The following MBNL2 variants were observed in gnomAD, a reference collection of about 807,000 sequenced individuals.
The protein encoded by MBNL2 is muscleblind-like protein 2.
A neutral mutation model predicts 41.9 loss-of-function variants in MBNL2; 17 were observed. The observed-to-expected ratio is 0.41, with a 90% confidence interval of 0.28 to 0.61. The LOEUF (loss-of-function observed/expected upper bound fraction) is 0.61, where lower values mean the gene tolerates loss of function less well. Ranked by LOEUF, MBNL2 falls within the 20% of genes least tolerant of loss-of-function variation. MBNL2 has a pLI of 0.35. For synonymous variants in MBNL2, 195 were observed against 182.9 expected (o/e 1.07, Z -0.53); for missense variants, 336 against 505.6 (o/e 0.66, Z 3.22).
chr13:97,252,546 CTAAG>C (rs2046781265), intron 1 of MBNL2, among the ~76,000 whole-genome samples: 1 of 152,094 alleles, frequency 6.6e-6, no homozygotes, highest in African/African-American at 2.4e-5. Context: ...TTTTACATCT[CTAAG>C]TAAATTTTGT....
At chr13:97,259,236 T>C (rs928915997) in intron 1 of MBNL2, among the ~76,000 whole-genome samples, 1 of 152,236 alleles carries the variant, frequency 6.6e-6, no homozygotes. Context: ...GGTGTGCTGG[T>C]GAAGTCTTGG....
At chr13:97,330,525 G>A (rs2060344222) in intron 2 of MBNL2, among the ~76,000 whole-genome samples, 1 of 152,148 alleles carries the variant, frequency 6.6e-6, no homozygotes. Context: ...ACAAATCCTA[G>A]CTGCCACAAG....
At chr13:97,142,409 C>A in the MBNL2 span, among the ~76,000 whole-genome samples, 1 of 152,122 alleles carries the variant, frequency 6.6e-6, no homozygotes, top group African/African-American at 2.4e-5. Flanking sequence ...AAGGCAAGGA[C>A]CTTGTCTAAA....
chr13:97,307,823 A>C (rs1209573721), intron 2 of MBNL2, among the ~76,000 whole-genome samples: 1 of 152,194 alleles, frequency 6.6e-6, no homozygotes, highest in Non-Finnish European at 1.5e-5. Flanking sequence ...TTTTCCACCC[A>C]AGTGCCAAGA....
At chr13:97,279,991 GTAT>G (rs1421549231) in intron 2 of MBNL2, among the ~76,000 whole-genome samples, 3 of 152,166 alleles carry the variant, frequency 2.0e-5, no homozygotes, top group Non-Finnish European at 4.4e-5. Context: ...GGAAGTTTCA[GTAT>G]TATTATGAAC....
chr13:97,212,091 G>A, the MBNL2 span, among the ~76,000 whole-genome samples: 23 of 152,284 alleles, frequency 1.5e-4, no homozygotes, highest in South Asian at 2.1e-4. Context: ...AGAAGCCACC[G>A]TGCTATGGCT....
At chr13:97,195,940 C>CAGTTACCTTG in the MBNL2 span, among the ~76,000 whole-genome samples, 2 of 152,130 alleles carry the variant, frequency 1.3e-5, no homozygotes, top group African/African-American at 4.8e-5. Flanking sequence ...AGAATAATCT[C>CAGTTACCTTG]CAAGGACTGC....
chr13:97,187,542 C>T, the MBNL2 span, among the ~76,000 whole-genome samples: 3 of 133,214 alleles, frequency 2.3e-5, no homozygotes, highest in Admixed American at 2.6e-4. Context: ...AATTAGGAAG[C>T]CAAACCTGTC....
intron 2 of MBNL2, among the ~76,000 whole-genome samples, chr13:97,298,605 AC>A (rs1368570047): frequency 6.6e-6 from 1 of 152,174 alleles, no homozygotes; most frequent in Non-Finnish European, 1.5e-5. Context: ...TGTCTGTCTC[AC>A]CTTTTCTTTC....
At chr13:97,321,379 A>C (rs1440245704) in intron 2 of MBNL2, among the ~76,000 whole-genome samples, 2 of 152,198 alleles carry the variant, frequency 1.3e-5, no homozygotes, top group Non-Finnish European at 2.9e-5. Flanking sequence ...CCAGAGAAGC[A>C]GGGAAAACAC....
the MBNL2 span, among the ~76,000 whole-genome samples, chr13:97,160,831 A>G: frequency 1.3e-5 from 2 of 152,238 alleles, no homozygotes; most frequent in Non-Finnish European, 2.9e-5. Flanking sequence ...TCACTAATCA[A>G]TAGTTTACTT....
the MBNL2 span, among the ~76,000 whole-genome samples, chr13:97,212,848 T>C: frequency 6.6e-6 from 1 of 152,168 alleles, no homozygotes; most frequent in Admixed American, 6.5e-5. Context: ...AGTAACACAT[T>C]TTCCAGAAAT....
At chr13:97,155,025 C>T in the MBNL2 span, among the ~76,000 whole-genome samples, 3 of 152,204 alleles carry the variant, frequency 2.0e-5, no homozygotes, top group East Asian at 1.9e-4. Context: ...TATGAGTAAT[C>T]GTCCCTTCAA....
In MBNL2 at chr13:97,268,823, T is replaced by A. The variant is rs1414334543; in HGVS notation, c.-604-6809T>A. On this transcript the variant is annotated intron_variant, in intron 1 of 8. Transcript: ENST00000679496. This position sits in a 1 kb window ranked among gnomAD's most constrained non-coding sequence, Gnocchi z 4.6. ...GGAGTTTACACTGTGGGGAGGCAGA[T>A]GGAGAAATCAGTATTTACAGTTCTT... is the stretch of plus-strand genomic sequence containing the variant. Among the ~76,000 whole-genome samples, 75 of 152,172 alleles carry A rather than the reference T, an allele frequency of 4.9e-4. 4 individuals are homozygous for A. The highest frequency in any genetic ancestry group is 4.8e-3 in the Admixed American group (73 of 15,274).
intron 2 of MBNL2, among the ~76,000 whole-genome samples, chr13:97,306,722 G>C (rs2058160794): frequency 6.6e-6 from 1 of 152,206 alleles, no homozygotes; most frequent in East Asian, 1.9e-4. Context: ...GCACCAGAAA[G>C]AGATGAGGAG....
At chr13:97,245,861 G>A (rs1464383704) in intron 1 of MBNL2, among the ~76,000 whole-genome samples, 1 of 152,154 alleles carries the variant, frequency 6.6e-6, no homozygotes, top group Non-Finnish European at 1.5e-5. Flanking sequence ...AGTCCATGCA[G>A]CAGCACAATT....
At chr13:97,151,220 C>A in the MBNL2 span, among the ~76,000 whole-genome samples, 2 of 152,042 alleles carry the variant, frequency 1.3e-5, no homozygotes, top group African/African-American at 2.4e-5. Context: ...CCAGGAATGG[C>A]GGTGGCAGAT....
the MBNL2 span, among the ~76,000 whole-genome samples, chr13:97,202,656 C>T: frequency 1.3e-5 from 2 of 152,104 alleles, no homozygotes; most frequent in Non-Finnish European, 2.9e-5. Context: ...ATACCATTAT[C>T]CTAGGTTTTG....
the MBNL2 span, among the ~76,000 whole-genome samples, chr13:97,199,562 TGC>T: frequency 2.0e-5 from 3 of 152,334 alleles, no homozygotes; most frequent in East Asian, 5.8e-4. Flanking sequence ...AATGTGTAAT[TGC>T]TATACAAGAC....
Sources: gnomAD v4.1 joint callset for allele counts (sites outside exome capture counted in the v4.1 genomes callset) on GRCh38, gnomAD v4.1.1 for gene constraint, Gnocchi (gnomAD v3.1) non-coding constraint, MANE v1.5 for transcripts, NCBI Gene and HGNC (gene_info 2026-07-23, HGNC 2026-07-21) for gene names.